NSD1: variants seen among roughly 807,000 people sequenced by gnomAD.
NSD1 encodes the protein histone-lysine N-methyltransferase, H3 lysine-36 specific.
In NSD1, 26 loss-of-function variants were observed where a neutral mutation model predicts 242.7. The observed-to-expected ratio is 0.11, with a 90% CI of 0.08 to 0.15. The LOEUF (loss-of-function observed/expected upper bound fraction) is 0.15. NSD1 is among the 10% of genes least tolerant of loss of function. The probability of loss-of-function intolerance (pLI) is 1.00; values close to 1 mark genes in which losing one functional copy is unlikely to be tolerated. For synonymous variants in NSD1, 1,106 were observed against 1,178.1 expected (o/e 0.94, Z 1.25); for missense variants, 2,495 against 3,272.8 (o/e 0.76, Z 5.80).
Position 177,296,034 on chromosome 5 carries a change from G to A in NSD1, c.*575G>A, listed in dbSNP as rs1760234224. 3.8e-6 allele frequency: 1 copy of A among 263,418 alleles called. No homozygotes were observed. The allele number at this position is 263,418 out of a possible 1,614,324, so 16.3% of individuals were successfully genotyped here. A position where few individuals can be genotyped will look rare whatever the true frequency, so the allele number is the denominator to read the frequency against. ...TAACAGGAAGTTCTGAGGGGCCCTG[G>A]GGCTTTAGACTCATTTTGAAATGTC... On this transcript the variant is annotated 3_prime_UTR_variant, in exon 23 of 23. Transcript: ENST00000439151.
At chr5:177,268,065 C>T (rs184198183) in intron 15 of NSD1, among the ~76,000 whole-genome samples, 21 of 151,468 alleles carry the variant, frequency 1.4e-4, no homozygotes, top group Admixed American at 3.9e-4. Context: ...TTATGCCCCC[C>T]ACCATCCAAA....
At chr5:177,174,871 C>CTTTTT in intron 2 of NSD1, among the ~76,000 whole-genome samples, 1 of 89,678 alleles carries the variant, frequency 1.1e-5, no homozygotes, top group Non-Finnish European at 2.0e-5. Flanking sequence ...CCTTATCTGA[C>CTTTTT]TTTTTTTTTT....
chr5:177,246,381 T>C (rs1766295824), intron 9 of NSD1, among the ~76,000 whole-genome samples: 1 of 152,224 alleles, frequency 6.6e-6, no homozygotes, highest in South Asian at 2.1e-4. Flanking sequence ...CTATAGGATT[T>C]AATTCCTTTG....
rs539711759 is a variant in NSD1 at position 177,235,812 on chromosome 5, A to G, written c.3797-9A>G. On this transcript the variant is annotated splice_polypyrimidine_tract_variant and intron_variant, in intron 5 of 22. Transcript: ENST00000439151. The stretch of plus-strand genomic sequence containing the variant: ...TTGATTAATGTTGAATTTGTTTATC[A>G]TCTTTTAGCTGTGCGGTCAGAGAAG... 1.2e-6 allele frequency: 2 copies of G among 1,613,906 alleles called. No individual in the cohort carries two copies. The highest frequency in any genetic ancestry group is 1.7e-4 in the Middle Eastern group (1 of 6,060).
intron 2 of NSD1, among the ~76,000 whole-genome samples, chr5:177,187,634 G>T (rs1761341885): frequency 6.6e-6 from 1 of 152,136 alleles, no homozygotes; most frequent in African/African-American, 2.4e-5. Context: ...GACTGTGAGT[G>T]TGTATCTGTC....
chr5:177,173,143 T>G (rs188107357), intron 2 of NSD1, among the ~76,000 whole-genome samples: 1,650 of 151,222 alleles, frequency 0.011, 74 homozygotes, highest in Admixed American at 0.085. Context: ...ATACAAAAAA[T>G]TAGCCGGGCG....
intron 13 of NSD1, 24 bp downstream of exon 13, chr5:177,257,175 G>T: frequency 6.4e-7 from 1 of 1,553,136 alleles, no homozygotes; most frequent in Non-Finnish European, 8.9e-7. Flanking sequence ...ATGTGGACCA[G>T]TCTAATTGTA....
intron 2 of NSD1, among the ~76,000 whole-genome samples, chr5:177,141,600 A>G (rs1756830640): frequency 6.6e-6 from 1 of 151,736 alleles, no homozygotes; most frequent in Non-Finnish European, 1.5e-5. Flanking sequence ...AAAGTGCTGG[A>G]ATTACAGGTG....
chr5:177,168,329 TATG>T (rs1554180923), intron 2 of NSD1, among the ~76,000 whole-genome samples: 1 of 152,152 alleles, frequency 6.6e-6, no homozygotes, highest in Non-Finnish European at 1.5e-5. Flanking sequence ...ATTTTTGACT[TATG>T]ATGGGTTTGT....
chr5:177,252,539 CTTTTTTTTTT>C (rs70991600), intron 12 of NSD1, among the ~76,000 whole-genome samples: 67 of 47,430 alleles, frequency 1.4e-3, no homozygotes, highest in African/African-American at 4.1e-3. Context: ...GTAAAGTGTT[CTTTTTTTTTT>C]TTTTTTTTTT....
intron 2 of NSD1, among the ~76,000 whole-genome samples, chr5:177,144,645 C>T (rs1049350858): frequency 2.6e-5 from 4 of 152,010 alleles, no homozygotes; most frequent in African/African-American, 7.3e-5. Flanking sequence ...TCCTGGTTTT[C>T]AGGGGAGCCC....
intron 2 of NSD1, among the ~76,000 whole-genome samples, chr5:177,157,776 T>C (rs1758257727): frequency 6.6e-6 from 1 of 152,236 alleles, no homozygotes; most frequent in South Asian, 2.1e-4. Flanking sequence ...AAGTCTCCTC[T>C]AGCCCCTCAC....
At chr5:177,265,013 C>A in intron 14 of NSD1, 1 of 788,126 alleles carries the variant, frequency 1.3e-6, no homozygotes, top group Middle Eastern at 2.3e-4. Flanking sequence ...GGGCAAGATT[C>A]TTGCCAAGAG....
chr5:177,265,899 G>A, intron 14 of NSD1: 1 of 1,471,210 alleles, frequency 6.8e-7, no homozygotes, highest in Non-Finnish European at 9.5e-7. Context: ...GTGAAGGTCA[G>A]GTCTTCCACC....
At chr5:177,267,158 G>T (rs1757559169) in intron 14 of NSD1, among the ~76,000 whole-genome samples, 1 of 152,128 alleles carries the variant, frequency 6.6e-6, no homozygotes, top group Non-Finnish European at 1.5e-5. Context: ...GTGCCCAGCC[G>T]AAAAGTTAGT....
intron 14 of NSD1, chr5:177,266,860 A>G (rs1017269270): frequency 1.7e-5 from 3 of 175,752 alleles, no homozygotes; most frequent in Non-Finnish European, 3.6e-5. Context: ...TGTGTTTTGA[A>G]AGCATTTATA....
chr5:177,194,357 TCAAA>T (rs1339683998), intron 3 of NSD1, among the ~76,000 whole-genome samples: 13 of 151,574 alleles, frequency 8.6e-5, no homozygotes, highest in East Asian at 1.9e-4. Context: ...TCTCCAGGGC[TCAAA>T]CAGTCATCCA....
intron 2 of NSD1, among the ~76,000 whole-genome samples, chr5:177,149,634 A>C (rs1251526995): frequency 6.6e-6 from 1 of 152,040 alleles, no homozygotes; most frequent in East Asian, 1.9e-4. Flanking sequence ...TTGGGGATGA[A>C]ACTTTTCCAC....
chr5:177,192,368 G>A (rs1224045348), intron 3 of NSD1, among the ~76,000 whole-genome samples: 1 of 151,408 alleles, frequency 6.6e-6, no homozygotes, highest in Non-Finnish European at 1.5e-5. Flanking sequence ...CCGCCACCAC[G>A]CTTGGCTAAT....
Sources: allele counts gnomAD v4.1 joint callset (sites outside exome capture counted in the v4.1 genomes callset), GRCh38; gene constraint gnomAD v4.1.1; transcripts MANE v1.5; gene names NCBI Gene and HGNC (gene_info 2026-07-23, HGNC 2026-07-21).